The following LRP1B variants were observed in gnomAD, a reference collection of about 807,000 sequenced individuals.
LRP1B encodes the protein LDL receptor related protein 1B.
LRP1B carries 217 observed loss-of-function variants against 556.6 expected under a neutral mutation model. That is an observed-to-expected ratio of 0.39 (90% CI 0.35 to 0.44). The LOEUF is 0.44. Among genes scored for constraint, LRP1B ranks in the 20% least tolerant of loss-of-function variants. The pLI is 1.00. For missense variants in LRP1B, 5,053 were observed against 5,620.8 expected (o/e 0.90, Z 3.23); for synonymous variants, 2,047 against 1,865.8 (o/e 1.10, Z -2.50).
At chr2:141,665,362 A>G (rs993715559) in intron 2 of LRP1B, among the ~76,000 whole-genome samples, 2 of 152,238 alleles carry the variant, frequency 1.3e-5, no homozygotes, top group Admixed American at 1.3e-4. Flanking sequence ...AGAAATGCAA[A>G]TCAAAACCAC....
chr2:141,200,736 G>C (rs555141900), intron 6 of LRP1B, among the ~76,000 whole-genome samples: 1 of 152,186 alleles, frequency 6.6e-6, no homozygotes, highest in African/African-American at 2.4e-5. Flanking sequence ...TGACTTATCA[G>C]TGCACTGTCT....
intron 20 of LRP1B, among the ~76,000 whole-genome samples, chr2:140,930,651 T>C (rs535176586): frequency 4.7e-4 from 72 of 152,234 alleles, no homozygotes; most frequent in African/African-American, 1.7e-3. Flanking sequence ...AGTCTTTTTC[T>C]TTTTCGATTA....
chr2:140,334,000 A>AAAAAC (rs908672960), intron 79 of LRP1B, among the ~76,000 whole-genome samples: 3 of 151,672 alleles, frequency 2.0e-5, no homozygotes, highest in African/African-American at 4.8e-5. Flanking sequence ...AAAAGGCAAA[A>AAAAAC]AAAACAAAAC....
intron 2 of LRP1B, among the ~76,000 whole-genome samples, chr2:141,772,110 A>G (rs1310316048): frequency 6.6e-6 from 1 of 151,996 alleles, no homozygotes; most frequent in Non-Finnish European, 1.5e-5. Flanking sequence ...CCGGCCGATG[A>G]TCTCTCTTTC....
chr2:141,294,181 C>T (rs995226811), intron 3 of LRP1B, among the ~76,000 whole-genome samples: 19 of 152,052 alleles, frequency 1.2e-4, no homozygotes, highest in Admixed American at 1.0e-3. Flanking sequence ...TCATATGTTT[C>T]TAATGTGATT....
chr2:141,263,539 C>T (rs983933434), intron 3 of LRP1B, among the ~76,000 whole-genome samples: 4 of 152,022 alleles, frequency 2.6e-5, no homozygotes, highest in Admixed American at 2.6e-4. Flanking sequence ...CACAAAAATG[C>T]TAGGCCTAGG....
Position 140,495,758 on chromosome 2 carries a change from G to C in LRP1B, c.8851-10C>G. 6.3e-7 allele frequency: 1 copy of C among 1,594,338 alleles called. No individual in the cohort carries two copies. Among genetic ancestry groups the C allele is most frequent in the South Asian group, 1.1e-5 (1 of 90,422 alleles). On this transcript the variant is annotated splice_polypyrimidine_tract_variant and intron_variant, in intron 55 of 90. Transcript: ENST00000389484. ...CAGGCCAGCATTTGCACTGGGAAAA[G>C]AAAAATGAGCATAATCAATTCATAT...
intron 1 of LRP1B, among the ~76,000 whole-genome samples, chr2:141,935,320 C>T (rs1181366949): frequency 6.6e-6 from 1 of 152,092 alleles, no homozygotes; most frequent in Non-Finnish European, 1.5e-5. Context: ...AAAACTACCA[C>T]ATGTGACCAA....
At chr2:141,544,817 C>A (rs971651122) in intron 2 of LRP1B, among the ~76,000 whole-genome samples, 2 of 151,788 alleles carry the variant, frequency 1.3e-5, no homozygotes, top group African/African-American at 4.8e-5. Flanking sequence ...AAATGTGCAC[C>A]ACCACTCCCA....
intron 2 of LRP1B, among the ~76,000 whole-genome samples, chr2:141,682,975 T>C (rs1477579782): frequency 6.6e-6 from 1 of 152,158 alleles, no homozygotes; most frequent in Non-Finnish European, 1.5e-5. Flanking sequence ...GGGAAGCTCT[T>C]GCTGGTCTTT....
intron 4 of LRP1B, among the ~76,000 whole-genome samples, chr2:141,248,255 C>A (rs1684139626): frequency 6.6e-6 from 1 of 152,136 alleles, no homozygotes. Flanking sequence ...GTATATTCAG[C>A]CTGTTTTATG....
intron 7 of LRP1B, among the ~76,000 whole-genome samples, chr2:141,103,905 C>T (rs1316339314): frequency 4.0e-5 from 6 of 151,816 alleles, no homozygotes; most frequent in East Asian, 3.9e-4. Flanking sequence ...TATTTTGTAC[C>T]AACCACATTT....
intron 5 of LRP1B, among the ~76,000 whole-genome samples, chr2:141,230,524 A>G (rs989548579): frequency 6.6e-6 from 1 of 152,200 alleles, no homozygotes; most frequent in African/African-American, 2.4e-5. Context: ...AAGGGCTCCT[A>G]TTTTAACCAG....
chr2:141,250,869 A>G (rs1410876310), intron 4 of LRP1B, among the ~76,000 whole-genome samples: 1 of 152,206 alleles, frequency 6.6e-6, no homozygotes, highest in African/African-American at 2.4e-5. Flanking sequence ...TATGACAATA[A>G]AGAAACCTCA....
rs749949683 is a variant in LRP1B, at chr2:141,005,435, A to G, written c.2403T>C (p.Asn801=). The part of the protein sequence containing the change: ...KQQGDNMCRV[N]NGGCSTLCLA... ...AGCAAAGTGTACTACAGCCCCCATT[A>G]TTTACTCGGCACATATTGTCACCTG... The change falls in exon 15 of 91, where the codon AAT becomes AAC. Residue 801 remains asparagine, a synonymous_variant. Coordinates refer to ENST00000389484, the MANE Select transcript of LRP1B (RefSeq NM_018557.3). 1 of 1,611,028 alleles carries G rather than the reference A, an allele frequency of 6.2e-7. No individual in the cohort carries two copies. The highest frequency in any genetic ancestry group is 8.5e-7 in the Non-Finnish European group (1 of 1,177,978).
rs765757043 is a variant in LRP1B at position 140,776,240 on chromosome 2, TA to T, written c.5360-3del. The T allele has an allele frequency of 4.5e-6, 7 of 1,570,504 alleles. No individual in the cohort carries two copies. In the South Asian group the frequency reaches 7.1e-5, roughly 16 times the overall value. ...GGTCTGCCCACCACAGTTTCTTATC[TA>T]GAAAAAGGAAAGATATTTTTTAAAG... is the stretch of plus-strand genomic sequence containing the variant. On this transcript the variant is annotated splice_polypyrimidine_tract_variant and splice_region_variant and intron_variant, in intron 32 of 90. Transcript: ENST00000389484.
chr2:140,936,044 A>T (rs968002796), intron 20 of LRP1B, among the ~76,000 whole-genome samples: 7 of 122,066 alleles, frequency 5.7e-5, no homozygotes, highest in African/African-American at 1.6e-4. Flanking sequence ...GTGTCAAAAG[A>T]AAAAAAAAAA....
At chr2:141,297,745 A>G (rs1686235983) in intron 3 of LRP1B, among the ~76,000 whole-genome samples, 1 of 152,152 alleles carries the variant, frequency 6.6e-6, no homozygotes, top group Admixed American at 6.5e-5. Context: ...GAAGGACCCC[A>G]TATACAACGG....
chr2:141,368,136 T>C (rs1455574422), intron 3 of LRP1B, among the ~76,000 whole-genome samples: 2 of 152,212 alleles, frequency 1.3e-5, no homozygotes, highest in African/African-American at 2.4e-5. Context: ...ATTAAGATGA[T>C]TACCTTAGGA....
Sources: allele counts gnomAD v4.1 joint callset (sites outside exome capture counted in the v4.1 genomes callset), GRCh38; gene constraint gnomAD v4.1.1; transcripts MANE v1.5; gene names NCBI Gene and HGNC (gene_info 2026-07-23, HGNC 2026-07-21).